Variants in UBE2E3 observed in about 807,000 individuals in gnomAD.
UBE2E3 encodes the protein ubiquitin-conjugating enzyme E2 E3.
Under a neutral mutation model 23.6 loss-of-function variants are expected in UBE2E3, and 5 were observed. The ratio of observed to expected loss-of-function variants is 0.21; its 90% CI spans 0.11 to 0.44. The LOEUF is 0.44. UBE2E3 is among the 20% of genes least tolerant of loss of function. The pLI is 0.99. For synonymous variants in UBE2E3, 78 were observed against 87.5 expected (o/e 0.89, Z 0.60); for missense variants, 81 against 249.8 (o/e 0.32, Z 4.55).
intron 3 of UBE2E3, among the ~76,000 whole-genome samples, chr2:180,995,004 G>C (rs1263707508): frequency 2.0e-5 from 3 of 152,140 alleles, no homozygotes; most frequent in Non-Finnish European, 4.4e-5. Context: ...CAGTAATTTT[G>C]TAGCCACCTC....
chr2:180,993,958 G>C (rs1182327957), intron 3 of UBE2E3, among the ~76,000 whole-genome samples: 1 of 152,120 alleles, frequency 6.6e-6, no homozygotes. Flanking sequence ...ATATATGCTT[G>C]TACTAAATTT....
chr2:181,062,946 A>G lies in UBE2E3; in HGVS notation c.*58A>G, dbSNP rs1286735299. ...GAAGGCATCTTCTCACTGTGCTGCA[A>G]ATCTTTATAGCCTTTACAATACGGA... is the stretch of plus-strand genomic sequence containing the variant. On this transcript the variant is annotated 3_prime_UTR_variant, in exon 6 of 6. Transcript: ENST00000410062. The G allele has an allele frequency of 2.8e-6, 3 of 1,076,964 alleles. No homozygotes were observed. Among genetic ancestry groups the G allele is most frequent in the Non-Finnish European group, 4.2e-6 (3 of 712,312 alleles). The allele number at this position is 1,076,964 out of a possible 1,614,324, so 66.7% of individuals were successfully genotyped here.
At chr2:181,007,181 T>A (rs781496755) in intron 3 of UBE2E3, among the ~76,000 whole-genome samples, 66 of 152,236 alleles carry the variant, frequency 4.3e-4, no homozygotes, top group Non-Finnish European at 7.3e-4. Flanking sequence ...ACAATTTGGA[T>A]AAATCAGATC....
intron 3 of UBE2E3, among the ~76,000 whole-genome samples, chr2:181,037,432 G>A (rs143834206): frequency 0.015 from 2,216 of 152,248 alleles, 58 homozygotes; most frequent in African/African-American, 0.05. Flanking sequence ...AACAGGATGT[G>A]GCGGTGGAAG....
chr2:181,061,258 G>A lies in UBE2E3; in HGVS notation c.526+446G>A, dbSNP rs1466853786. On this transcript the variant is annotated intron_variant, in intron 5 of 5. Transcript: ENST00000410062. ...CTGCCTCAGCCTCCCGAGTAGCTGG[G>A]ACTACAGGCGCCCGCCACCGCGCCC... is the stretch of plus-strand genomic sequence containing the variant. Among the ~76,000 whole-genome samples the A allele has an allele frequency of 4.0e-5, 2 of 49,554 alleles. 1 individual carries two copies. The highest frequency in any genetic ancestry group is 7.0e-5 in the Non-Finnish European group (2 of 28,394). The allele number at this position is 49,554 out of a possible 152,430, so 32.5% of individuals were successfully genotyped here.
intron 3 of UBE2E3, among the ~76,000 whole-genome samples, chr2:181,016,472 C>A (rs1023560250): frequency 6.6e-6 from 1 of 152,046 alleles, no homozygotes; most frequent in African/African-American, 2.4e-5. Context: ...TGTGGCAGGT[C>A]GTATCATTTT....
chr2:181,036,349 GTATC>G (rs904092933), intron 3 of UBE2E3, among the ~76,000 whole-genome samples: 2 of 152,132 alleles, frequency 1.3e-5, no homozygotes, highest in Non-Finnish European at 2.9e-5. Context: ...GAATAACTGA[GTATC>G]TATACACAAA....
chr2:180,993,487 A>G (rs1015964064), intron 3 of UBE2E3, among the ~76,000 whole-genome samples: 2 of 152,174 alleles, frequency 1.3e-5, no homozygotes, highest in African/African-American at 2.4e-5. Flanking sequence ...TGCTTTTGGG[A>G]GTATAGTTCC....
At chr2:181,038,140 T>C (rs995407927) in intron 3 of UBE2E3, among the ~76,000 whole-genome samples, 1 of 152,220 alleles carries the variant, frequency 6.6e-6, no homozygotes, top group African/African-American at 2.4e-5. Context: ...CTTCCAGTCC[T>C]GAAAGCTCCA....
intron 3 of UBE2E3, among the ~76,000 whole-genome samples, chr2:181,037,825 G>A (rs559620322): frequency 6.6e-6 from 1 of 152,038 alleles, no homozygotes; most frequent in East Asian, 1.9e-4. Flanking sequence ...AAAAATTAGC[G>A]GGCATGGTGG....
intron 3 of UBE2E3, among the ~76,000 whole-genome samples, chr2:180,999,204 G>A (rs1684923029): frequency 6.6e-6 from 1 of 152,076 alleles, no homozygotes; most frequent in South Asian, 2.1e-4. Context: ...TCCACAAAGG[G>A]TATTACATGA....
chr2:181,018,364 G>A (rs1685561900), intron 3 of UBE2E3, among the ~76,000 whole-genome samples: 1 of 141,160 alleles, frequency 7.1e-6, no homozygotes, highest in South Asian at 2.2e-4. Context: ...TTATCTCTGT[G>A]TGTGTGTATA....
chr2:181,023,616 ACT>A (rs1190870508), intron 3 of UBE2E3, among the ~76,000 whole-genome samples: 2 of 152,208 alleles, frequency 1.3e-5, no homozygotes, highest in East Asian at 3.9e-4. Flanking sequence ...TCTTTAAGTA[ACT>A]CTACTCTGAC....
At chr2:180,993,239 A>C (rs1003223262) in intron 3 of UBE2E3, among the ~76,000 whole-genome samples, 1 of 152,228 alleles carries the variant, frequency 6.6e-6, no homozygotes, top group Non-Finnish European at 1.5e-5. Context: ...TAAAAATCCC[A>C]GTTCCTTCTT....
chr2:181,010,551 T>C lies in UBE2E3; in HGVS notation c.245+26458T>C, dbSNP rs138870441. 2.1e-3 allele frequency among the ~76,000 whole-genome samples: 326 copies of C among 152,320 alleles called. 1 individual carries two copies. The highest frequency in any genetic ancestry group is 7.6e-3 in the African/African-American group (314 of 41,568). ...GATTCTGCCTATCCTCCTGAATCTG[T>C]GTTCTCTAATGTAAGAAAGATGATC... On this transcript the variant is annotated intron_variant, in intron 3 of 5. Coordinates refer to ENST00000410062, the MANE Select transcript of UBE2E3 (RefSeq NM_006357.4).
intron 3 of UBE2E3, among the ~76,000 whole-genome samples, chr2:181,020,568 G>C (rs7575113): frequency 0.27 from 41,312 of 151,982 alleles, 5,851 homozygotes; most frequent in Non-Finnish European, 0.3. Flanking sequence ...TATTTCCTTT[G>C]TTTTTAATTC....
rs140520049 is a variant in UBE2E3, at chr2:180,989,255, T to C, written c.245+5162T>C. Among the ~76,000 whole-genome samples, 893 of 152,238 alleles carry C rather than the reference T, an allele frequency of 5.9e-3. 3 individuals carry two copies. The highest frequency in any genetic ancestry group is 0.01 in the Non-Finnish European group (686 of 67,950). ...TTTTTTCATGCTGTATTATAATATT[T>C]GTCTGCTTTCTGCAAGAGCGAGTGT... On this transcript the variant is annotated intron_variant, in intron 3 of 5. Coordinates refer to ENST00000410062, the MANE Select transcript of UBE2E3 (RefSeq NM_006357.4).
intron 3 of UBE2E3, among the ~76,000 whole-genome samples, chr2:181,049,971 A>G (rs1190391419): frequency 1.3e-5 from 2 of 152,102 alleles, no homozygotes; most frequent in African/African-American, 4.8e-5. Context: ...CATACCCTGA[A>G]TATATGAAAT....
At chr2:181,056,246 C>T (rs141175621) in intron 3 of UBE2E3, among the ~76,000 whole-genome samples, 2 of 151,752 alleles carry the variant, frequency 1.3e-5, no homozygotes, top group Non-Finnish European at 2.9e-5. Flanking sequence ...AGTAATACTT[C>T]TGTACATACG....
Sources: gnomAD v4.1 joint callset for allele counts (sites outside exome capture counted in the v4.1 genomes callset) on GRCh38, gnomAD v4.1.1 for gene constraint, MANE v1.5 for transcripts, NCBI Gene and HGNC (gene_info 2026-07-23, HGNC 2026-07-21) for gene names.